MYO16: variants seen among roughly 807,000 people sequenced by gnomAD.
MYO16 encodes myosin XVI.
A neutral mutation model predicts 205.3 loss-of-function variants in MYO16; 94 were observed. The observed-to-expected ratio is 0.46, with a 90% CI of 0.39 to 0.54. MYO16 has a LOEUF of 0.54. Among genes scored for constraint, MYO16 ranks in the 20% least tolerant of loss-of-function variants. MYO16 has a pLI of 0.00. For missense variants in MYO16, 2,315 were observed against 2,387.5 expected (o/e 0.97, Z 0.63); for synonymous variants, 988 against 954.0 (o/e 1.04, Z -0.66).
At chr13:108,597,240 G>A (rs1015241210) in intron 1 of MYO16, among the ~76,000 whole-genome samples, 2 of 152,114 alleles carry the variant, frequency 1.3e-5, no homozygotes, top group African/African-American at 4.8e-5. Context: ...ATAGCAAAGT[G>A]ATAAATACAC....
intron 22 of MYO16, among the ~76,000 whole-genome samples, chr13:109,013,410 G>C (rs1885685367): frequency 6.6e-6 from 1 of 152,062 alleles, no homozygotes; most frequent in Admixed American, 6.6e-5. Flanking sequence ...ATTGTGAATA[G>C]TGCCACAATA....
intron 2 of MYO16, among the ~76,000 whole-genome samples, chr13:108,697,355 T>A (rs1883130988): frequency 6.6e-6 from 1 of 152,204 alleles, no homozygotes; most frequent in Admixed American, 6.5e-5. Context: ...TCCACTGTGA[T>A]CACGAAGTTG....
chr13:108,587,740 A>G, the MYO16 span, among the ~76,000 whole-genome samples: 5 of 152,154 alleles, frequency 3.3e-5, no homozygotes, highest in African/African-American at 4.8e-5. Flanking sequence ...GATTCTCCTC[A>G]AGAAGGGGAA....
chr13:108,704,874 T>C lies in MYO16; in HGVS notation c.293-7787T>C, dbSNP rs986478727. 4.0e-4 allele frequency among the ~76,000 whole-genome samples: 60 copies of C among 149,936 alleles called. 1 individual carries two copies. Among genetic ancestry groups the C allele is most frequent in the Admixed American group, 3.0e-3 (45 of 15,032 alleles). ...AATATAGAGGAAAACAATAGAGAAA[T>C]CAATAAAACCAAAACTTGGCTCTTT... On this transcript the variant is annotated intron_variant, in intron 2 of 34. Transcript: ENST00000457511.
chr13:108,699,110 ATG>A (rs752914351), intron 2 of MYO16, among the ~76,000 whole-genome samples: 2 of 130,424 alleles, frequency 1.5e-5, no homozygotes, highest in African/African-American at 5.7e-5. Flanking sequence ...ATATATATAT[ATG>A]TGTGTGTGTA....
intron 6 of MYO16, among the ~76,000 whole-genome samples, chr13:108,795,375 A>G (rs1283208734): frequency 6.6e-6 from 1 of 151,744 alleles, no homozygotes; most frequent in Non-Finnish European, 1.5e-5. Flanking sequence ...CGCCCAGCTA[A>G]TTTTTTGTAT....
intron 9 of MYO16, among the ~76,000 whole-genome samples, chr13:108,828,107 A>G (rs1225662079): frequency 1.3e-5 from 2 of 152,210 alleles, no homozygotes; most frequent in Non-Finnish European, 2.9e-5. Flanking sequence ...TTTAACTCTC[A>G]GAACAACACC....
At chr13:109,106,500 T>C (rs1252111423) in intron 28 of MYO16, among the ~76,000 whole-genome samples, 1 of 152,200 alleles carries the variant, frequency 6.6e-6, no homozygotes, top group Non-Finnish European at 1.5e-5. Context: ...TTATGTAAAA[T>C]GAAAACCTCT....
At chr13:108,525,829 G>T in the MYO16 span, among the ~76,000 whole-genome samples, 2 of 152,124 alleles carry the variant, frequency 1.3e-5, no homozygotes, top group African/African-American at 2.4e-5. Context: ...CAATGATCAA[G>T]AATTCATTAA....
At chr13:108,909,888 G>C (rs997137081) in intron 15 of MYO16, 115 bp from the exon 16 acceptor site, 1 of 1,076,966 alleles carries the variant, frequency 9.3e-7, no homozygotes, top group Non-Finnish European at 1.3e-6. Context: ...TAAATAGATG[G>C]GAAAGGGAGA....
At position 109,179,203 on chromosome 13, in the gene MYO16, G is replaced by A. The variant is rs545701370; in HGVS notation, c.5324-339G>A. The stretch of plus-strand genomic sequence containing the variant: ...GTCACCCTAGTGACTCAGTGGGCCC[G>A]TCACTGACCCCGTATGCTTCTTCAA... On this transcript the variant is annotated intron_variant, in intron 33 of 34. Transcript: ENST00000457511. 5.9e-5 allele frequency among the ~76,000 whole-genome samples: 9 copies of A among 152,262 alleles called. No individual in the cohort carries two copies. In the South Asian group the frequency reaches 1.0e-3, roughly 18 times the overall value.
chr13:108,541,273 T>C, the MYO16 span, among the ~76,000 whole-genome samples: 1 of 151,752 alleles, frequency 6.6e-6, no homozygotes, highest in Non-Finnish European at 1.5e-5. Context: ...ACATTATACA[T>C]CTAAATTATG....
chr13:108,667,401 G>A (rs1047164979), intron 2 of MYO16, among the ~76,000 whole-genome samples: 2 of 148,746 alleles, frequency 1.3e-5, no homozygotes, highest in Non-Finnish European at 3.0e-5. Flanking sequence ...AACATTTGGT[G>A]TGATCCACTT....
chr13:108,770,591 G>A (rs1885929167), intron 4 of MYO16, among the ~76,000 whole-genome samples: 1 of 152,118 alleles, frequency 6.6e-6, no homozygotes, highest in African/African-American at 2.4e-5. Flanking sequence ...ATATCTTAAA[G>A]CTCAAAGTTA....
intron 27 of MYO16, among the ~76,000 whole-genome samples, chr13:109,091,370 A>G (rs1225505593): frequency 1.3e-5 from 2 of 152,270 alleles, no homozygotes; most frequent in Admixed American, 1.3e-4. Context: ...GCTGCCTGCA[A>G]GCTTAATCGG....
chr13:108,507,692 T>C, the MYO16 span, among the ~76,000 whole-genome samples: 1 of 152,198 alleles, frequency 6.6e-6, no homozygotes, highest in East Asian at 1.9e-4. Context: ...CCATTATTTA[T>C]TCAGATAAGT....
intron 16 of MYO16, among the ~76,000 whole-genome samples, chr13:108,957,136 A>T (rs777525824): frequency 2.6e-5 from 4 of 152,186 alleles, no homozygotes; most frequent in Non-Finnish European, 5.9e-5. Flanking sequence ...CTGTAATCCC[A>T]GCACTTTGGG....
upstream of MYO16, among the ~76,000 whole-genome samples, chr13:108,592,186 T>G (rs1594130205): frequency 3.8e-4 from 2 of 5,276 alleles, no homozygotes; most frequent in South Asian, 5.7e-3. Flanking sequence ...GTGTGGGGTA[T>G]GGAGGGGTGT....
At chr13:109,158,864 C>T (rs1878214220) in intron 32 of MYO16, among the ~76,000 whole-genome samples, 1 of 152,214 alleles carries the variant, frequency 6.6e-6, no homozygotes, top group Admixed American at 6.5e-5. Context: ...GCTTGAGTCC[C>T]TCCCTCGGCC....
Sources: allele counts gnomAD v4.1 joint callset (sites outside exome capture counted in the v4.1 genomes callset), GRCh38; gene constraint gnomAD v4.1.1; transcripts MANE v1.5; gene names NCBI Gene and HGNC (gene_info 2026-07-23, HGNC 2026-07-21).